ACTR3C: variants seen among roughly 807,000 people sequenced by gnomAD.
ACTR3C encodes the protein actin-related protein 3C.
In ACTR3C, 18 loss-of-function variants were observed where a neutral mutation model predicts 26.3. The observed-to-expected ratio is 0.68, with a 90% CI of 0.47 to 1.01. The LOEUF is 1.01. Ranked by LOEUF, ACTR3C falls within the 50% of genes least tolerant of loss-of-function variation. The pLI is 0.00. For missense variants in ACTR3C, 184 were observed against 250.7 expected, an observed-to-expected ratio of 0.73 and a Z score of 1.80; for synonymous variants, 55 against 94.5, an observed-to-expected ratio of 0.58 and a Z score of 2.42.
chr7:150,167,018 G>GTGTATA, the ACTR3C span, among the ~76,000 whole-genome samples: 80 of 147,296 alleles, frequency 5.4e-4, 4 homozygotes, highest in South Asian at 0.011. Flanking sequence ...ATTCCACTGT[G>GTGTATA]TATATATATA....
the ACTR3C span, among the ~76,000 whole-genome samples, chr7:150,136,878 G>A: frequency 6.6e-6 from 1 of 152,130 alleles, no homozygotes; most frequent in Non-Finnish European, 1.5e-5. Flanking sequence ...ACCAGGGGCT[G>A]GTTTTGTGGA....
At chr7:150,165,150 A>T in the ACTR3C span, among the ~76,000 whole-genome samples, 1 of 152,170 alleles carries the variant, frequency 6.6e-6, no homozygotes, top group Non-Finnish European at 1.5e-5. Flanking sequence ...GCTCAATGCA[A>T]TTCAACATCT....
At chr7:150,037,550 CG>C in the ACTR3C span, among the ~76,000 whole-genome samples, 4 of 49,000 alleles carry the variant, frequency 8.2e-5, no homozygotes, top group Admixed American at 2.2e-4. Context: ...GCCTCCCCCT[CG>C]TGCGATGGGG....
the ACTR3C span, among the ~76,000 whole-genome samples, chr7:150,203,487 A>G: frequency 3.0e-4 from 45 of 152,332 alleles, no homozygotes; most frequent in African/African-American, 8.4e-4. Flanking sequence ...AAACCAAAAT[A>G]CATCCTCCTG....
At chr7:150,236,993 C>G in the ACTR3C span, among the ~76,000 whole-genome samples, 1 of 151,530 alleles carries the variant, frequency 6.6e-6, no homozygotes, top group African/African-American at 2.4e-5. Flanking sequence ...AAATGTAACT[C>G]TTTGGCAGGA....
the ACTR3C span, among the ~76,000 whole-genome samples, chr7:149,971,923 C>A: frequency 6.6e-6 from 1 of 152,238 alleles, no homozygotes; most frequent in Non-Finnish European, 1.5e-5. Context: ...CAACTCACCA[C>A]ACACACACCT....
At chr7:150,035,569 G>T in the ACTR3C span, among the ~76,000 whole-genome samples, 1 of 135,430 alleles carries the variant, frequency 7.4e-6, no homozygotes, top group African/African-American at 2.8e-5. Context: ...CAGAGCCGGG[G>T]GGGAAGAGGG....
intron 6 of ACTR3C, among the ~76,000 whole-genome samples, chr7:150,277,576 A>G (rs1563171204): frequency 6.6e-6 from 1 of 151,928 alleles, no homozygotes; most frequent in Admixed American, 6.6e-5. Context: ...ATGCAACTCA[A>G]CATCTCCACC....
At chr7:150,069,763 T>C in the ACTR3C span, among the ~76,000 whole-genome samples, 1 of 152,090 alleles carries the variant, frequency 6.6e-6, no homozygotes, top group African/African-American at 2.4e-5. Context: ...TGTGTATTAA[T>C]AGCTCAGAGA....
chr7:150,090,533 C>T, the ACTR3C span, among the ~76,000 whole-genome samples: 3 of 151,564 alleles, frequency 2.0e-5, no homozygotes, highest in Non-Finnish European at 4.4e-5. Flanking sequence ...CAAGCTAAGT[C>T]GGATGGGCCT....
intron 6 of ACTR3C, among the ~76,000 whole-genome samples, chr7:150,251,668 G>T (rs1832862457): frequency 6.6e-6 from 1 of 151,926 alleles, no homozygotes; most frequent in South Asian, 2.1e-4. Flanking sequence ...TTAAGTATAG[G>T]CTAAATTAGA....
the ACTR3C span, among the ~76,000 whole-genome samples, chr7:150,050,827 C>A: frequency 2.0e-5 from 3 of 151,688 alleles, no homozygotes; most frequent in Non-Finnish European, 4.4e-5. Flanking sequence ...AATGTTCTGG[C>A]CGGGCGCGGT....
the ACTR3C span, among the ~76,000 whole-genome samples, chr7:150,206,189 A>G: frequency 1.3e-5 from 2 of 152,300 alleles, no homozygotes; most frequent in South Asian, 4.1e-4. Context: ...GCTCATGACC[A>G]TGCACGGCTG....
the ACTR3C span, among the ~76,000 whole-genome samples, chr7:150,098,232 C>A: frequency 5.3e-5 from 8 of 151,662 alleles, no homozygotes; most frequent in Admixed American, 1.3e-4. Flanking sequence ...TGCAGGAATT[C>A]TTGTCGTTGA....
chr7:150,142,857 C>T, the ACTR3C span, among the ~76,000 whole-genome samples: 64 of 138,738 alleles, frequency 4.6e-4, no homozygotes, highest in East Asian at 2.4e-3. Flanking sequence ...TGTTTTGAGA[C>T]GGACTCTCCC....
chr7:150,147,763 C>T, the ACTR3C span, among the ~76,000 whole-genome samples: 24 of 151,662 alleles, frequency 1.6e-4, no homozygotes, highest in African/African-American at 4.8e-4. Flanking sequence ...AGCTGCAGGA[C>T]GTTTCAGTCC....
chr7:149,997,231 T>C, the ACTR3C span, among the ~76,000 whole-genome samples: 69 of 151,642 alleles, frequency 4.6e-4, no homozygotes, highest in Non-Finnish European at 9.4e-4. Context: ...CTGGCTGTGG[T>C]GGTTCACTCC....
Position 150,248,986 on chromosome 7 carries a change from T to C in ACTR3C, c.633A>G (p.Ter211TrpextTer50). The C allele has an allele frequency of 1.5e-6, 1 of 672,796 alleles. No individual in the cohort carries two copies. Among genetic ancestry groups the C allele is most frequent in the Non-Finnish European group, 2.7e-6 (1 of 372,242 alleles). 41.7% of individuals were successfully genotyped at this position (672,796 alleles called of 1,614,324 possible). Reference sequence around the variant, plus strand: ...CTACGCATGGGCTCAATATATCATCTCAATGAAATGGAGGTGACAGAGGAT... The same window carrying C: ...CTACGCATGGGCTCAATATATCATCCCAATGAAATGGAGGTGACAGAGGAT... ...GFHPLSPPFH* is the reference protein window; with the variant it reads ...GFHPLSPPFHW Residue 211 changes from the stop codon to tryptophan (W), a stop_lost, in exon 7 of 8, where the codon TGA becomes TGG. Transcript: ENST00000683684.
chr7:150,150,420 C>T, the ACTR3C span, among the ~76,000 whole-genome samples: 3 of 152,038 alleles, frequency 2.0e-5, no homozygotes, highest in African/African-American at 7.2e-5. Flanking sequence ...GTAAGAGTTG[C>T]CTTGCATCCG....
Sources: allele counts gnomAD v4.1 joint callset (sites outside exome capture counted in the v4.1 genomes callset), GRCh38; gene constraint gnomAD v4.1.1; transcripts MANE v1.5; gene names NCBI Gene and HGNC (gene_info 2026-07-23, HGNC 2026-07-21).